Variants in B3GAT2 observed in about 807,000 individuals in gnomAD.
B3GAT2 encodes the protein galactosylgalactosylxylosylprotein 3-beta-glucuronosyltransferase 2.
A neutral mutation model predicts 27.8 loss-of-function variants in B3GAT2; 26 were observed. The ratio of observed to expected loss-of-function variants is 0.93; its 90% CI spans 0.68 to 1.30. The LOEUF is 1.30. B3GAT2 is among the 50% of genes most tolerant of loss of function. The probability of loss-of-function intolerance (pLI) is 0.00; values close to 1 mark genes in which losing one functional copy is unlikely to be tolerated. For missense variants in B3GAT2, 458 were observed against 459.0 expected (o/e 1.00, Z 0.02); for synonymous variants, 218 against 195.1 (o/e 1.12, Z -0.98).
Position 70,860,448 on chromosome 6 carries a change from T to C in B3GAT2, c.*1215A>G. The stretch of plus-strand genomic sequence containing the variant: ...TTTTTTCTTTTTACCCATTTGTTCA[T>C]ATTAAGAATGATCTGATTGACCGTG... On this transcript the variant is annotated 3_prime_UTR_variant, in exon 4 of 4. Coordinates refer to ENST00000230053, the MANE Select transcript of B3GAT2 (RefSeq NM_080742.3). 7.9e-7 allele frequency: 1 copy of C among 1,259,304 alleles called. No individual in the cohort carries two copies. The highest frequency in any genetic ancestry group is 1.1e-6 in the Non-Finnish European group (1 of 923,786). 78.0% of individuals were successfully genotyped at this position (1,259,304 alleles called of 1,614,324 possible).
chr6:70,928,685 C>A (rs1459026728), intron 1 of B3GAT2, among the ~76,000 whole-genome samples: 2 of 152,066 alleles, frequency 1.3e-5, no homozygotes, highest in Non-Finnish European at 2.9e-5. Context: ...GAAATTGAGG[C>A]AATAATTAAT....
rs1771486145 is a variant in B3GAT2, at chr6:70,857,613, A to G, written c.*4050T>C. 3.2e-6 allele frequency: 1 copy of G among 313,204 alleles called. No individual in the cohort carries two copies. Among genetic ancestry groups the G allele is most frequent in the Non-Finnish European group, 6.0e-6 (1 of 167,492 alleles). The allele number at this position is 313,204 out of a possible 1,614,324, so 19.4% of individuals were successfully genotyped here. A position where few individuals can be genotyped will look rare whatever the true frequency, so the allele number is the denominator to read the frequency against. ...TGGGGGACCAGTGGTACAAATCAGC[A>G]ATAAAACAGTGTATGATGTCATGCT... On this transcript the variant is annotated 3_prime_UTR_variant, in exon 4 of 4. Transcript: ENST00000230053.
At chr6:70,953,018 C>T (rs1765599411) in intron 1 of B3GAT2, among the ~76,000 whole-genome samples, 2 of 152,166 alleles carry the variant, frequency 1.3e-5, no homozygotes, top group Non-Finnish European at 2.9e-5. Flanking sequence ...GGTTCATTTT[C>T]CTCCTTTTAT....
chr6:70,945,121 G>GA (rs1485221323), intron 1 of B3GAT2, among the ~76,000 whole-genome samples: 3 of 152,154 alleles, frequency 2.0e-5, no homozygotes, highest in East Asian at 3.9e-4. Flanking sequence ...CAAAGATGGG[G>GA]AAAAAACAGA....
intron 1 of B3GAT2, among the ~76,000 whole-genome samples, chr6:70,925,890 C>T (rs1490830737): frequency 1.3e-5 from 2 of 152,212 alleles, no homozygotes; most frequent in Non-Finnish European, 2.9e-5. Context: ...GGAGACACCT[C>T]CCAGTAGGGG....
At chr6:70,943,637 T>C (rs1356934043) in intron 1 of B3GAT2, among the ~76,000 whole-genome samples, 1 of 152,210 alleles carries the variant, frequency 6.6e-6, no homozygotes, top group Non-Finnish European at 1.5e-5. Context: ...TCAATTCTTA[T>C]TCACAAGAAT....
Position 70,884,355 on chromosome 6 carries a change from C to A in B3GAT2, c.736+9773G>T, listed in dbSNP as rs1211163990. On this transcript the variant is annotated intron_variant, in intron 2 of 3. Coordinates refer to ENST00000230053, the MANE Select transcript of B3GAT2 (RefSeq NM_080742.3). ...GCAATGTTGTCTCAGAAGCGAGAAG[C>A]TTTAAATCTTAATTTTGATAATCCT... Among the ~76,000 whole-genome samples the A allele has an allele frequency of 3.3e-5, 5 of 152,238 alleles. No individual in the cohort carries two copies. In the East Asian group the frequency reaches 9.7e-4, roughly 29 times the overall value.
Position 70,859,339 on chromosome 6 carries a change from A to C in B3GAT2, c.*2324T>G. On this transcript the variant is annotated 3_prime_UTR_variant, in exon 4 of 4. Transcript: ENST00000230053. ...GGCTCTTACTTCCAGATAATGCAGA[A>C]GGGTGATGCTGTTCTCCAGCACTCC... 1.9e-6 allele frequency: 3 copies of C among 1,548,108 alleles called. No individual in the cohort carries two copies. The highest frequency in any genetic ancestry group is 2.6e-6 in the Non-Finnish European group (3 of 1,145,918).
In B3GAT2 at chr6:70,861,726, T is replaced by C. The variant is rs141775687; in HGVS notation, c.909A>G (p.Thr303=). Residue 303 remains threonine (T), a synonymous_variant, in exon 4 of 4, where the codon ACA becomes ACG. Transcript: ENST00000230053. ...GCTCGTTGGCTAGATTAACCTTCTC[T>C]GTCCGAGTGTGCCACACGAGAACCT... is the stretch of plus-strand genomic sequence containing the variant. ...CTKVLVWHTR[T]EKVNLANEPK... 1.1e-4 allele frequency: 175 copies of C among 1,614,106 alleles called. No individual in the cohort carries two copies. In the African/African-American group the frequency reaches 1.9e-3, roughly 18 times the overall value.
intron 1 of B3GAT2, among the ~76,000 whole-genome samples, chr6:70,907,200 G>A (rs1327860685): frequency 6.6e-6 from 1 of 152,174 alleles, no homozygotes; most frequent in Non-Finnish European, 1.5e-5. Context: ...GATAAATCTT[G>A]AGTTGTCAGT....
In B3GAT2 at chr6:70,860,066, A is replaced by G. The variant is rs1022171172; in HGVS notation, c.*1597T>C. The G allele has an allele frequency of 1.5e-5, 15 of 969,186 alleles. No homozygotes were observed. In the Admixed American group the frequency reaches 2.9e-4, roughly 18 times the overall value. The allele number at this position is 969,186 out of a possible 1,614,324, so 60.0% of individuals were successfully genotyped here. A position where few individuals can be genotyped will look rare whatever the true frequency, so the allele number is the denominator to read the frequency against. On this transcript the variant is annotated 3_prime_UTR_variant, in exon 4 of 4. Coordinates refer to ENST00000230053, the MANE Select transcript of B3GAT2 (RefSeq NM_080742.3). ...GCTATTTGCTTTAAGAAATATTTGT[A>G]TGGTACTCTGTTTTTATTCCAGTGC...
intron 2 of B3GAT2, among the ~76,000 whole-genome samples, chr6:70,885,981 T>C (rs534728421): frequency 1.3e-5 from 2 of 152,206 alleles, no homozygotes; most frequent in Non-Finnish European, 2.9e-5. Context: ...AAAATAAATG[T>C]GTGAGCCAGC....
intron 1 of B3GAT2, among the ~76,000 whole-genome samples, chr6:70,934,341 C>T (rs761819386): frequency 4.6e-5 from 7 of 152,074 alleles, no homozygotes; most frequent in Admixed American, 3.3e-4. Flanking sequence ...CCATGCTTCT[C>T]TCTCGCTCTG....
intron 1 of B3GAT2, among the ~76,000 whole-genome samples, chr6:70,909,683 A>G (rs1380385320): frequency 1.3e-5 from 2 of 152,176 alleles, no homozygotes; most frequent in Admixed American, 1.3e-4. Flanking sequence ...ATTTATGCTG[A>G]TATCTTTTGT....
At chr6:70,867,634 T>C (rs1230803031) in intron 2 of B3GAT2, among the ~76,000 whole-genome samples, 1 of 152,066 alleles carries the variant, frequency 6.6e-6, no homozygotes, top group Non-Finnish European at 1.5e-5. Context: ...TAATGTGAAA[T>C]AGCCCTGTAT....
Position 70,956,802 on chromosome 6 carries a change from C to G in B3GAT2, c.-373G>C. ...GAAGAGTGGAAGCCGAGAAGCGGCA[C>G]CCGGTGCGCCTCGCCGCTCCAGTCC... is the stretch of plus-strand genomic sequence containing the variant. On this transcript the variant is annotated 5_prime_UTR_variant, in exon 1 of 4. Coordinates refer to ENST00000230053, the MANE Select transcript of B3GAT2 (RefSeq NM_080742.3). The G allele has an allele frequency of 1.9e-6, 2 of 1,077,878 alleles. No individual in the cohort carries two copies. The highest frequency in any genetic ancestry group is 2.2e-6 in the Non-Finnish European group (2 of 889,172). 66.8% of individuals were successfully genotyped at this position (1,077,878 alleles called of 1,614,324 possible). A position where few individuals can be genotyped will look rare whatever the true frequency, so the allele number is the denominator to read the frequency against.
At chr6:70,862,121 A>G in intron 2 of B3GAT2, 143 bp from the exon 3 acceptor site, 4 of 691,696 alleles carry the variant, frequency 5.8e-6, no homozygotes, top group Non-Finnish European at 9.5e-6. Flanking sequence ...GAATAGGAAC[A>G]TTACCTGTAT....
At chr6:70,880,396 T>C (rs1757451700) in intron 2 of B3GAT2, among the ~76,000 whole-genome samples, 1 of 152,170 alleles carries the variant, frequency 6.6e-6, no homozygotes, top group Admixed American at 6.5e-5. Context: ...AGAGGCTAAG[T>C]AACTTGCTTA....
chr6:70,938,759 T>C, intron 1 of B3GAT2, among the ~76,000 whole-genome samples: 1 of 151,946 alleles, frequency 6.6e-6, no homozygotes, highest in South Asian at 2.1e-4. Context: ...TAATTCAAGA[T>C]GGAAACTTAA....
Sources: allele counts gnomAD v4.1 joint callset (sites outside exome capture counted in the v4.1 genomes callset), GRCh38; gene constraint gnomAD v4.1.1; transcripts MANE v1.5; gene names NCBI Gene and HGNC (gene_info 2026-07-23, HGNC 2026-07-21).